The following RORA variants were observed in gnomAD, a reference collection of about 807,000 sequenced individuals.
RORA encodes the protein nuclear receptor ROR-alpha.
Under a neutral mutation model 69.5 loss-of-function variants are expected in RORA, and 7 were observed. The ratio of observed to expected loss-of-function variants is 0.10; its 90% CI spans 0.06 to 0.19. RORA has a LOEUF of 0.19. Ranked by LOEUF, RORA falls within the 10% of genes least tolerant of loss-of-function variation. The pLI, the probability that RORA is intolerant of heterozygous loss-of-function variation, is 1.00. For missense variants in RORA, 457 were observed against 663.0 expected, an observed-to-expected ratio of 0.69 and a Z score of 3.41; for synonymous variants, 261 against 240.8, an observed-to-expected ratio of 1.08 and a Z score of -0.78.
chr15:60,977,412 C>A (rs913036865), intron 1 of RORA, among the ~76,000 whole-genome samples: 1 of 151,586 alleles, frequency 6.6e-6, no homozygotes, highest in Admixed American at 6.6e-5. Context: ...TATAATTATA[C>A]TTATTTTTAA....
At chr15:60,557,035 A>G (rs945081372) in intron 2 of RORA, 6 of 851,838 alleles carry the variant, frequency 7.0e-6, no homozygotes, top group Non-Finnish European at 1.1e-5. Flanking sequence ...ATAAGTACCC[A>G]AAAAAGTACT....
At chr15:60,904,816 T>C (rs370876561) in intron 1 of RORA, among the ~76,000 whole-genome samples, 12 of 152,098 alleles carry the variant, frequency 7.9e-5, no homozygotes, top group African/African-American at 2.9e-4. Flanking sequence ...GGCCTTCTCA[T>C]AACCATGAGA....
chr15:61,205,537 G>A (rs2079933467), intron 1 of RORA, among the ~76,000 whole-genome samples: 1 of 152,192 alleles, frequency 6.6e-6, no homozygotes, highest in African/African-American at 2.4e-5. Context: ...CTAAGACAGT[G>A]AGGAAGAGAG....
At chr15:60,839,832 A>G (rs540420792) in intron 1 of RORA, among the ~76,000 whole-genome samples, 37 of 152,348 alleles carry the variant, frequency 2.4e-4, no homozygotes, top group African/African-American at 8.7e-4. Flanking sequence ...ATATGTGCAT[A>G]TATCATATAT....
chr15:61,040,708 C>G (rs1379894233), intron 1 of RORA, among the ~76,000 whole-genome samples: 1 of 151,902 alleles, frequency 6.6e-6, no homozygotes, highest in East Asian at 1.9e-4. Context: ...AAATATTCAT[C>G]GAATAAATAA....
At chr15:61,043,019 G>A (rs1372912832) in intron 1 of RORA, among the ~76,000 whole-genome samples, 3 of 152,176 alleles carry the variant, frequency 2.0e-5, no homozygotes, top group African/African-American at 7.2e-5. Flanking sequence ...CAGACAGCAG[G>A]CTGAGAGTGA....
At chr15:60,535,039 A>G (rs1030820085) in intron 2 of RORA, among the ~76,000 whole-genome samples, 2 of 152,202 alleles carry the variant, frequency 1.3e-5, no homozygotes, top group East Asian at 3.8e-4. Flanking sequence ...TTTGCCTTTC[A>G]TCGTGTAGGC....
chr15:61,170,291 C>T (rs553864422), intron 1 of RORA, among the ~76,000 whole-genome samples: 3 of 152,292 alleles, frequency 2.0e-5, no homozygotes, highest in East Asian at 1.9e-4. Context: ...TGTTTTCTTG[C>T]GTTTTCTACT....
At chr15:60,944,330 CA>C (rs1336811696) in intron 1 of RORA, among the ~76,000 whole-genome samples, 4 of 152,110 alleles carry the variant, frequency 2.6e-5, no homozygotes, top group Non-Finnish European at 5.9e-5. Flanking sequence ...CCCAGTTGGC[CA>C]CAGTGAACAC....
chr15:61,058,387 T>C (rs2078124907), intron 1 of RORA, among the ~76,000 whole-genome samples: 1 of 152,060 alleles, frequency 6.6e-6, no homozygotes, highest in South Asian at 2.1e-4. Flanking sequence ...AAGGAAATGT[T>C]TTAGGGAACA....
rs1177733378 is a variant in RORA at position 60,494,833 on chromosome 15, ATTGT to A, written c.*2618_*2621del. 1.3e-5 allele frequency: 2 copies of A among 152,222 alleles called. No individual in the cohort carries two copies. The highest frequency in any genetic ancestry group is 2.4e-5 in the African/African-American group (1 of 41,450). The allele number at this position is 152,222 out of a possible 1,614,324, so 9.4% of individuals were successfully genotyped here. Reference sequence around the variant, plus strand: ...TGACTATTACTGTGGTTAGAGCATGATTGTTTGTAGGTACATGCAGAATCCCTTC... The same window carrying A: ...TGACTATTACTGTGGTTAGAGCATGATTGTAGGTACATGCAGAATCCCTTC... On this transcript the variant is annotated 3_prime_UTR_variant, in exon 11 of 11. Coordinates refer to ENST00000335670, the MANE Select transcript of RORA (RefSeq NM_134261.3).
intron 3 of RORA, among the ~76,000 whole-genome samples, chr15:60,517,463 T>TTTTTATTTTA (rs58528279): frequency 5.9e-5 from 9 of 151,898 alleles, no homozygotes; most frequent in African/African-American, 2.2e-4. Flanking sequence ...AAAGCTATGT[T>TTTTTATTTTA]TTTTATTTTA....
chr15:60,903,550 T>C (rs12910281), intron 1 of RORA, among the ~76,000 whole-genome samples: 69,227 of 152,120 alleles, frequency 0.46, 16,027 homozygotes, highest in Non-Finnish European at 0.49. Context: ...AGGGTACCAA[T>C]GTTCAAGGCT....
At chr15:60,714,428 A>T (rs1420057284) in intron 1 of RORA, among the ~76,000 whole-genome samples, 5 of 148,950 alleles carry the variant, frequency 3.4e-5, no homozygotes, top group Non-Finnish European at 5.9e-5. Flanking sequence ...TCAATGGTGC[A>T]ATCTTGGCTC....
chr15:60,515,656 G>GA (rs1300835134), intron 3 of RORA, among the ~76,000 whole-genome samples: 1 of 149,542 alleles, frequency 6.7e-6, no homozygotes, highest in Non-Finnish European at 1.5e-5. Flanking sequence ...CTCATTCAGT[G>GA]AAAAACATGT....
intron 1 of RORA, among the ~76,000 whole-genome samples, chr15:61,077,113 A>G (rs1166637467): frequency 6.6e-6 from 1 of 152,098 alleles, no homozygotes; most frequent in Non-Finnish European, 1.5e-5. Flanking sequence ...TGTTAAGTAG[A>G]ATGATACCTC....
chr15:60,505,411 A>C (rs980296118), intron 6 of RORA, 97 bp downstream of exon 6: 5 of 1,185,204 alleles, frequency 4.2e-6, no homozygotes, highest in Admixed American at 1.9e-5. Flanking sequence ...GATGACATTC[A>C]TTCTTTAGTC....
intron 1 of RORA, among the ~76,000 whole-genome samples, chr15:61,083,028 C>G (rs1441135686): frequency 6.6e-6 from 1 of 152,152 alleles, no homozygotes; most frequent in Admixed American, 6.5e-5. Flanking sequence ...CAAAACCTTC[C>G]TTTTCGCCTT....
chr15:60,832,114 T>C (rs2073050258), intron 1 of RORA, among the ~76,000 whole-genome samples: 1 of 152,192 alleles, frequency 6.6e-6, no homozygotes, highest in Non-Finnish European at 1.5e-5. Context: ...ATCCCCTTCT[T>C]CCATAGCCAG....
Sources: allele counts gnomAD v4.1 joint callset (sites outside exome capture counted in the v4.1 genomes callset), GRCh38; gene constraint gnomAD v4.1.1; transcripts MANE v1.5; gene names NCBI Gene and HGNC (gene_info 2026-07-23, HGNC 2026-07-21).